DMD: variants seen among roughly 807,000 people sequenced by gnomAD.
The protein encoded by DMD is mutant dystrophin.
DMD carries 63 observed loss-of-function variants against 330.1 expected under a neutral mutation model. The observed-to-expected ratio is 0.19, with a 90% confidence interval of 0.16 to 0.24. The LOEUF (loss-of-function observed/expected upper bound fraction) is 0.24. Ranked by LOEUF, DMD falls within the 10% of genes least tolerant of loss-of-function variation. DMD has a pLI of 1.00. For synonymous variants in DMD, 1,223 were observed against 959.8 expected, an observed-to-expected ratio of 1.27 and a Z score of -5.07; for missense variants, 3,344 against 2,684.1, an observed-to-expected ratio of 1.25 and a Z score of -5.43.
chrX:33,060,337 C>G (rs1322964321), intron 1 of DMD, among the ~76,000 whole-genome samples: 1 of 111,121 alleles, frequency 9.0e-6, no homozygotes, highest in African/African-American at 3.3e-5. Context: ...CCAGGATAAT[C>G]AAATACCAAG....
At chrX:31,333,946 T>G (rs2148382317) in intron 61 of DMD, among the ~76,000 whole-genome samples, 1 of 111,513 alleles carries the variant, frequency 9.0e-6, no homozygotes, top group African/African-American at 3.3e-5. Flanking sequence ...TTTTTTTTTT[T>G]TTTGGATACA....
At chrX:31,491,014 T>C (rs969001554) in intron 57 of DMD, among the ~76,000 whole-genome samples, 4 of 112,577 alleles carry the variant, frequency 3.6e-5, no homozygotes, top group African/African-American at 1.3e-4. Context: ...CTGTCCACTC[T>C]TTTAATAATG....
intron 1 of DMD, among the ~76,000 whole-genome samples, chrX:33,272,842 A>C: frequency 8.9e-6 from 1 of 111,741 alleles, no homozygotes; most frequent in African/African-American, 3.2e-5. Flanking sequence ...GAGAAAGATT[A>C]GAAACAAGCT....
At chrX:32,364,976 T>C (rs1257007994) in intron 35 of DMD, 44 bp downstream of exon 35, 6 of 1,190,473 alleles carry the variant, frequency 5.0e-6, no homozygotes, top group African/African-American at 1.8e-5. Flanking sequence ...TATCTTTTTC[T>C]CGTGACAGAG....
At chrX:32,830,961 G>C (rs1020721406) in intron 4 of DMD, among the ~76,000 whole-genome samples, 1 of 111,276 alleles carries the variant, frequency 9.0e-6, no homozygotes, top group Non-Finnish European at 1.9e-5. Context: ...CTTTAGTATG[G>C]AGTAGTCTCC....
intron 55 of DMD, among the ~76,000 whole-genome samples, chrX:31,624,422 G>A (rs2078728054): frequency 8.9e-6 from 1 of 112,017 alleles, no homozygotes; most frequent in Non-Finnish European, 1.9e-5. Context: ...TTACATGTAT[G>A]TTTAAAGAAT....
intron 1 of DMD, among the ~76,000 whole-genome samples, chrX:33,117,352 C>T (rs2095392812): frequency 9.0e-6 from 1 of 110,671 alleles, no homozygotes; most frequent in Non-Finnish European, 1.9e-5. Context: ...TAAGAGAGAT[C>T]TTAAGTGTTC....
At chrX:31,574,074 C>T (rs1372144879) in intron 55 of DMD, among the ~76,000 whole-genome samples, 1 of 109,416 alleles carries the variant, frequency 9.1e-6, no homozygotes, top group Non-Finnish European at 1.9e-5. Flanking sequence ...GAAACAGAGT[C>T]TACACTTTCA....
chrX:33,198,557 CATT>C (rs1336970231), intron 1 of DMD, among the ~76,000 whole-genome samples: 1 of 110,896 alleles, frequency 9.0e-6, no homozygotes, highest in African/African-American at 3.3e-5. Context: ...ATCAAAATAT[CATT>C]ATTATAACAT....
chrX:32,482,526 G>T (rs2042001726), intron 21 of DMD, among the ~76,000 whole-genome samples: 4 of 111,659 alleles, frequency 3.6e-5, no homozygotes, highest in Admixed American at 9.5e-5. Context: ...GTATGGATGT[G>T]CCCATTTTCT....
At chrX:32,018,712 G>A (rs941030385) in intron 44 of DMD, among the ~76,000 whole-genome samples, 5 of 111,767 alleles carry the variant, frequency 4.5e-5, no homozygotes, top group Non-Finnish European at 7.5e-5. Flanking sequence ...ATAGACACAG[G>A]TCTTATCCCT....
chrX:32,648,064 T>C (rs1233887906), intron 9 of DMD, among the ~76,000 whole-genome samples: 1 of 111,963 alleles, frequency 8.9e-6, no homozygotes, highest in African/African-American at 3.2e-5. Flanking sequence ...ACTGTGCAAT[T>C]TGAATCAAAA....
chrX:32,434,325 G>A (rs769605363), intron 29 of DMD, among the ~76,000 whole-genome samples: 12 of 111,961 alleles, frequency 1.1e-4, no homozygotes, highest in Non-Finnish European at 2.1e-4. Context: ...CAGGAGAATT[G>A]CTTGAACCCA....
intron 51 of DMD, among the ~76,000 whole-genome samples, chrX:31,766,592 A>G (rs1389325101): frequency 8.9e-6 from 1 of 112,000 alleles, no homozygotes; most frequent in African/African-American, 3.2e-5. Context: ...GGCAAACATA[A>G]ACTTCCTTAT....
chrX:32,071,665 A>G (rs1014968901), intron 44 of DMD, among the ~76,000 whole-genome samples: 6 of 110,355 alleles, frequency 5.4e-5, no homozygotes, highest in African/African-American at 2.0e-4. Flanking sequence ...GAATAAAAAA[A>G]AAATCTCAGA....
intron 44 of DMD, among the ~76,000 whole-genome samples, chrX:32,101,909 A>G (rs1203768343): frequency 9.0e-6 from 1 of 111,376 alleles, no homozygotes; most frequent in Non-Finnish European, 1.9e-5. Context: ...TCATAAATTA[A>G]TAGGTTAATG....
In DMD at chrX:32,441,304, G is replaced by A. The variant is rs1406886023; in HGVS notation, c.3797C>T (p.Ala1266Val). The change falls in exon 28 of 79, where the codon GCA (alanine) becomes GTA (valine). Residue 1266 changes from alanine to valine, a missense_variant. By Grantham distance (64) the Ala-to-Val change is moderately conservative (BLOSUM62 0). Coordinates refer to ENST00000357033, the MANE Select transcript of DMD (RefSeq NM_004006.3). ...GTATGACAATAACTCATGCCAACAT[G>A]CCCAAACTTCCTAAGAAAGAAATAT... ...GKCKTLEEVW[A>V]CWHELLSYLE... 1.7e-6 allele frequency: 2 copies of A among 1,204,327 alleles called. No homozygotes were observed. Among genetic ancestry groups the A allele is most frequent in the Non-Finnish European group, 2.2e-6 (2 of 890,697 alleles).
intron 16 of DMD, among the ~76,000 whole-genome samples, chrX:32,550,632 C>CG (rs34641563): frequency 1.8e-5 from 2 of 109,783 alleles, no homozygotes; most frequent in African/African-American, 6.6e-5. Context: ...TAACCAAAAT[C>CG]GGAGCTGAAC....
At chrX:32,944,665 C>G (rs1454610827) in intron 2 of DMD, among the ~76,000 whole-genome samples, 2 of 105,968 alleles carry the variant, frequency 1.9e-5, no homozygotes, top group Non-Finnish European at 3.9e-5. Context: ...AGTGCAGTGG[C>G]GAAATCTCAG....
Sources: allele counts gnomAD v4.1 joint callset (sites outside exome capture counted in the v4.1 genomes callset), GRCh38; gene constraint gnomAD v4.1.1; transcripts MANE v1.5; gene names NCBI Gene and HGNC (gene_info 2026-07-23, HGNC 2026-07-21).